The following SGCZ variants were observed in gnomAD, a reference collection of about 807,000 sequenced individuals.
The protein encoded by SGCZ is sarcoglycan zeta, also known as zeta-sarcoglycan.
SGCZ carries 40 observed loss-of-function variants against 41.3 expected under a neutral mutation model. The ratio of observed to expected loss-of-function variants is 0.97; its 90% CI spans 0.75 to 1.26. The LOEUF (loss-of-function observed/expected upper bound fraction) is 1.26. Ranked by LOEUF, SGCZ falls within the 50% of genes most tolerant of loss-of-function variation. SGCZ has a pLI of 0.00. For missense variants in SGCZ, 552 were observed against 369.8 expected, an observed-to-expected ratio of 1.49 and a Z score of -4.04; for synonymous variants, 206 against 137.5, an observed-to-expected ratio of 1.50 and a Z score of -3.49.
intron 7 of SGCZ, among the ~76,000 whole-genome samples, chr8:14,101,622 A>AAAATGTGATTC (rs1802023948): frequency 1.0e-5 from 1 of 96,682 alleles, no homozygotes; most frequent in African/African-American, 2.7e-5. Flanking sequence ...TAGAAGAAAA[A>AAAATGTGATTC]TACTAATGTA....
intron 2 of SGCZ, among the ~76,000 whole-genome samples, chr8:14,397,704 T>A (rs1798958133): frequency 6.6e-6 from 1 of 152,088 alleles, no homozygotes; most frequent in Admixed American, 6.6e-5. Context: ...GAAGGGCAGG[T>A]GAATGTATCT....
At chr8:14,508,802 A>G (rs559207948) in intron 2 of SGCZ, among the ~76,000 whole-genome samples, 76 of 152,280 alleles carry the variant, frequency 5.0e-4, no homozygotes, top group African/African-American at 1.7e-3. Context: ...ATATTCTTCA[A>G]TTGCTCTGAT....
Position 14,885,988 on chromosome 8 carries a change from TATA to T in SGCZ, c.40-331065_40-331063del, listed in dbSNP as rs1563339041. Among the ~76,000 whole-genome samples, 46 of 13,230 alleles carry T rather than the reference TATA, an allele frequency of 3.5e-3. 2 individuals are homozygous for T. Among genetic ancestry groups the T allele is most frequent in the South Asian group, 0.026 (8 of 304 alleles). The allele number at this position is 13,230 out of a possible 152,430, so 8.7% of individuals were successfully genotyped here. ...TTTAATCATAAAGGACTTTATGTTA[TATA>T]TATATATATATATATATATATATAT... On this transcript the variant is annotated intron_variant, in intron 1 of 7. Coordinates refer to ENST00000382080, the MANE Select transcript of SGCZ (RefSeq NM_139167.4).
At position 14,086,012 on chromosome 8, in the gene SGCZ, T is replaced by C. The variant is rs1181740976; in HGVS notation, c.*4431A>G. Among the ~76,000 whole-genome samples the C allele has an allele frequency of 1.3e-5, 2 of 151,774 alleles. No individual in the cohort carries two copies. Among genetic ancestry groups the C allele is most frequent in the Non-Finnish European group, 3.0e-5 (2 of 67,774 alleles). On this transcript the variant is annotated 3_prime_UTR_variant, in exon 8 of 8. Transcript: ENST00000382080. ...TAAATTATTGATTAGTTTATGATTATTTAAAATGAATACAAATGCAAATTT... is the reference window on the plus strand; with the variant it reads ...TAAATTATTGATTAGTTTATGATTACTTAAAATGAATACAAATGCAAATTT...
At chr8:14,765,911 C>A (rs780948081) in intron 1 of SGCZ, among the ~76,000 whole-genome samples, 4 of 151,498 alleles carry the variant, frequency 2.6e-5, no homozygotes, top group Non-Finnish European at 5.9e-5. Flanking sequence ...GGCACATCAT[C>A]ACTGTCATTA....
chr8:15,101,241 G>A (rs1806600653), intron 1 of SGCZ, among the ~76,000 whole-genome samples: 1 of 152,108 alleles, frequency 6.6e-6, no homozygotes, highest in Admixed American at 6.5e-5. Flanking sequence ...TTAAAAAATT[G>A]TTGTAATTAA....
At chr8:15,080,304 C>T (rs1164359355) in intron 1 of SGCZ, among the ~76,000 whole-genome samples, 1 of 152,068 alleles carries the variant, frequency 6.6e-6, no homozygotes, top group Non-Finnish European at 1.5e-5. Flanking sequence ...TTGCATCCAT[C>T]CTGCCTCACC....
intron 1 of SGCZ, among the ~76,000 whole-genome samples, chr8:14,602,013 G>C (rs548538989): frequency 2.0e-5 from 3 of 152,018 alleles, no homozygotes; most frequent in African/African-American, 7.2e-5. Context: ...CCAGCTACTC[G>C]GGAGGCTGAG....
intron 1 of SGCZ, among the ~76,000 whole-genome samples, chr8:14,809,936 T>G (rs1361606089): frequency 6.6e-6 from 1 of 152,138 alleles, no homozygotes; most frequent in Non-Finnish European, 1.5e-5. Flanking sequence ...ATTTAGATAC[T>G]TAGAATCTAT....
chr8:14,135,009 G>A (rs1394688431), intron 5 of SGCZ, among the ~76,000 whole-genome samples: 1 of 151,838 alleles, frequency 6.6e-6, no homozygotes, highest in East Asian at 1.9e-4. Context: ...ACACTATCAC[G>A]GCAGAATGGA....
chr8:15,029,749 T>C (rs552920785), intron 1 of SGCZ, among the ~76,000 whole-genome samples: 45 of 152,158 alleles, frequency 3.0e-4, no homozygotes, highest in Non-Finnish European at 5.7e-4. Flanking sequence ...GATTATACTT[T>C]CTCTGTTTTG....
intron 1 of SGCZ, among the ~76,000 whole-genome samples, chr8:14,980,631 A>G (rs1801628717): frequency 6.6e-6 from 1 of 152,188 alleles, no homozygotes; most frequent in Non-Finnish European, 1.5e-5. Context: ...AAGAGAGAGA[A>G]TGAGGAAGAT....
chr8:15,172,160 T>TTTTTG (rs754523188), intron 1 of SGCZ, among the ~76,000 whole-genome samples: 14 of 105,016 alleles, frequency 1.3e-4, no homozygotes, highest in African/African-American at 4.7e-4. Context: ...CTCTGTTTTT[T>TTTTTG]TTTTTTTTTT....
intron 1 of SGCZ, among the ~76,000 whole-genome samples, chr8:15,053,746 G>A (rs896565454): frequency 6.6e-6 from 1 of 152,082 alleles, no homozygotes; most frequent in African/African-American, 2.4e-5. Flanking sequence ...GGTTTCTCTT[G>A]TCAATGATAT....
At chr8:14,238,824 T>C (rs1386869686) in intron 3 of SGCZ, among the ~76,000 whole-genome samples, 2 of 152,122 alleles carry the variant, frequency 1.3e-5, no homozygotes, top group East Asian at 3.9e-4. Context: ...GCTGAAATAC[T>C]ATGAAAATCT....
intron 2 of SGCZ, among the ~76,000 whole-genome samples, chr8:14,521,247 C>T (rs993261747): frequency 2.6e-5 from 4 of 152,140 alleles, no homozygotes; most frequent in African/African-American, 9.7e-5. Flanking sequence ...AACCACTAAT[C>T]TCTTTTCTAT....
At chr8:14,464,645 A>T (rs1423450087) in intron 2 of SGCZ, among the ~76,000 whole-genome samples, 2 of 150,316 alleles carry the variant, frequency 1.3e-5, no homozygotes, top group Non-Finnish European at 3.0e-5. Context: ...TTTTGGGTTT[A>T]GTTTGTTCTT....
chr8:14,759,010 A>AAG (rs1799772695), intron 1 of SGCZ, among the ~76,000 whole-genome samples: 1 of 137,342 alleles, frequency 7.3e-6, no homozygotes, highest in African/African-American at 2.6e-5. Flanking sequence ...CTCCATCTCA[A>AAG]AAAAAAAAAA....
intron 1 of SGCZ, among the ~76,000 whole-genome samples, chr8:14,884,917 G>A (rs543765838): frequency 6.6e-6 from 1 of 152,186 alleles, no homozygotes; most frequent in South Asian, 2.1e-4. Flanking sequence ...ACAGGCGCGT[G>A]TGTGTCCCCT....
Sources: gnomAD v4.1 joint callset for allele counts (sites outside exome capture counted in the v4.1 genomes callset) on GRCh38, gnomAD v4.1.1 for gene constraint, MANE v1.5 for transcripts, NCBI Gene and HGNC (gene_info 2026-07-23, HGNC 2026-07-21) for gene names.